The following TFIP11 variants were observed in gnomAD, a reference collection of about 807,000 sequenced individuals.
The protein encoded by TFIP11 is tuftelin-interacting protein 11.
TFIP11 carries 86 observed loss-of-function variants against 96.8 expected under a neutral mutation model. The observed-to-expected ratio is 0.89, with a 90% CI of 0.75 to 1.06. The LOEUF is 1.06. Among genes scored for constraint, TFIP11 ranks in the 50% least tolerant of loss-of-function variants. The pLI is 0.00. For synonymous variants in TFIP11, 405 were observed against 395.2 expected, an observed-to-expected ratio of 1.02 and a Z score of -0.29; for missense variants, 881 against 1,076.7, an observed-to-expected ratio of 0.82 and a Z score of 2.54.
At chr22:26,504,634 C>T (rs560019548) in intron 6 of TFIP11, among the ~76,000 whole-genome samples, 7 of 152,274 alleles carry the variant, frequency 4.6e-5, no homozygotes, top group South Asian at 2.1e-4. Context: ...CATGCCATTG[C>T]ACTCTACCCT....
In TFIP11 at chr22:26,491,960, C is replaced by T; in HGVS notation, c.*53G>A. On this transcript the variant is annotated 3_prime_UTR_variant, in exon 15 of 15. Transcript: ENST00000407690. ...GTGATCTAAAAATACTGTTTATTTACAGTACATCCCTCTTAGGGGCAAGTC... is the reference window on the plus strand; with the variant it reads ...GTGATCTAAAAATACTGTTTATTTATAGTACATCCCTCTTAGGGGCAAGTC... The T allele has an allele frequency of 1.3e-6, 2 of 1,483,988 alleles. No individual in the cohort carries two copies. Among genetic ancestry groups the T allele is most frequent in the South Asian group, 1.2e-5 (1 of 80,478 alleles). The allele number at this position is 1,483,988 out of a possible 1,614,324, so 91.9% of individuals were successfully genotyped here. A position where few individuals can be genotyped will look rare whatever the true frequency, so the allele number is the denominator to read the frequency against.
chr22:26,510,320 T>C, intron 3 of TFIP11, 39 bp from the exon 4 acceptor site: 1 of 1,591,662 alleles, frequency 6.3e-7, no homozygotes, highest in Non-Finnish European at 8.6e-7. Context: ...CCGTAAGTCC[T>C]GGGGGCAGCA....
Position 26,491,317 on chromosome 22 carries a change from G to A in TFIP11, c.*696C>T. On this transcript the variant is annotated 3_prime_UTR_variant, in exon 15 of 15. Coordinates refer to ENST00000407690, the MANE Select transcript of TFIP11 (RefSeq NM_012143.4). The stretch of plus-strand genomic sequence containing the variant: ...CTGTCCTTGGGGCGCCCAATTCATT[G>A]TGCAAAAGCATTTAAATCAAAATAC... The A allele has an allele frequency of 1.3e-6, 1 of 766,234 alleles. No homozygotes were observed. The highest frequency in any genetic ancestry group is 2.1e-6 in the Non-Finnish European group (1 of 472,520). 47.5% of individuals were successfully genotyped at this position (766,234 alleles called of 1,614,324 possible). A position where few individuals can be genotyped will look rare whatever the true frequency, so the allele number is the denominator to read the frequency against.
chr22:26,506,762 C>T lies in TFIP11; in HGVS notation c.363+13G>A, dbSNP rs770489954. On this transcript the variant is annotated intron_variant, in intron 5 of 14. Coordinates refer to ENST00000407690, the MANE Select transcript of TFIP11 (RefSeq NM_012143.4). ...GGATATTCCTAGGGTCACAATCCTGCAATAGAGACTACCGTTTTTAGCTTC... is the reference window on the plus strand; with the variant it reads ...GGATATTCCTAGGGTCACAATCCTGTAATAGAGACTACCGTTTTTAGCTTC... 3 of 1,613,952 alleles carry T rather than the reference C, an allele frequency of 1.9e-6. No homozygotes were observed. Among genetic ancestry groups the T allele is most frequent in the Non-Finnish European group, 2.5e-6 (3 of 1,179,974 alleles).
At chr22:26,492,737 T>A in intron 14 of TFIP11, 1 of 228,810 alleles carries the variant, frequency 4.4e-6, no homozygotes, top group East Asian at 1.0e-4. Context: ...CAGCTTTTAG[T>A]ACCTTGAAAA....
chr22:26,503,561 A>C, intron 7 of TFIP11, 105 bp downstream of exon 7: 1 of 1,429,396 alleles, frequency 7.0e-7, no homozygotes, highest in Non-Finnish European at 9.6e-7. Flanking sequence ...GGCATACGGT[A>C]CATGTACAAT....
At chr22:26,509,568 C>T (rs778456185) in intron 4 of TFIP11, among the ~76,000 whole-genome samples, 3 of 152,136 alleles carry the variant, frequency 2.0e-5, no homozygotes, top group African/African-American at 7.2e-5. Flanking sequence ...ATAATTAAAT[C>T]AGTGAGGCCA....
chr22:26,492,349 T>C lies in TFIP11; in HGVS notation c.2178A>G (p.Gly726=). 1 of 1,614,108 alleles carries C rather than the reference T, an allele frequency of 6.2e-7. No individual in the cohort carries two copies. The highest frequency in any genetic ancestry group is 1.1e-5 in the South Asian group (1 of 91,080). The change falls in exon 15 of 15, where the codon GGA becomes GGG. Residue 726 remains glycine, a synonymous_variant. Coordinates refer to ENST00000407690, the MANE Select transcript of TFIP11 (RefSeq NM_012143.4). ...SSNVGAYMQP[G]ARENIAYLTH... The stretch of plus-strand genomic sequence containing the variant: ...TGAGATAGGCAATGTTCTCCCGTGC[T>C]CCTGGCTGCATGTAGGCACCTAAGA...
chr22:26,494,659 G>A (rs1921691239), intron 13 of TFIP11, 138 bp downstream of exon 13: 12 of 1,229,182 alleles, frequency 9.8e-6, no homozygotes, highest in South Asian at 1.5e-5. Context: ...CCACTATGAA[G>A]ATGACCTAAC....
Position 26,512,428 on chromosome 22 carries a change from A to G in TFIP11, c.-207T>C, listed in dbSNP as rs1258873246. ...GGTCCAGCGTACCAAATTCAGCTTCACCATCCGCGCGAGAAGACGCCGCTC... is the reference window on the plus strand; with the variant it reads ...GGTCCAGCGTACCAAATTCAGCTTCGCCATCCGCGCGAGAAGACGCCGCTC... On this transcript the variant is annotated 5_prime_UTR_variant, in exon 1 of 15. Coordinates refer to ENST00000407690, the MANE Select transcript of TFIP11 (RefSeq NM_012143.4). 2 of 152,302 alleles carry G rather than the reference A, an allele frequency of 1.3e-5. No individual in the cohort carries two copies. The highest frequency in any genetic ancestry group is 2.1e-4 in the South Asian group (1 of 4,820). 9.4% of individuals were successfully genotyped at this position (152,302 alleles called of 1,614,324 possible). A position where few individuals can be genotyped will look rare whatever the true frequency, so the allele number is the denominator to read the frequency against.
intron 13 of TFIP11, 176 bp downstream of exon 13, chr22:26,494,621 T>A: frequency 2.1e-6 from 2 of 937,462 alleles, no homozygotes; most frequent in Non-Finnish European, 1.6e-6. Context: ...CAGCTTCTGA[T>A]ACATGGCAAA....
In TFIP11 at chr22:26,499,215, G is replaced by A. The variant is rs1433588283; in HGVS notation, c.1218C>T (p.Thr406=). The change falls in exon 9 of 15, where the codon ACC becomes ACT. Residue 406 remains threonine (T), a synonymous_variant. Transcript: ENST00000407690. The part of the protein sequence containing the change: ...TLDECARIFE[T]LQDKYYEEYR... ...ACTCCTCATAGTACTTGTCCTGCAG[G>A]GTTTCGAAGATGCGGGCACACTCGT... The A allele has an allele frequency of 1.2e-6, 2 of 1,613,998 alleles. No individual in the cohort carries two copies. Among genetic ancestry groups the A allele is most frequent in the African/African-American group, 2.7e-5 (2 of 75,038 alleles).
intron 4 of TFIP11, among the ~76,000 whole-genome samples, chr22:26,508,517 T>G (rs1053131336): frequency 6.6e-6 from 1 of 152,172 alleles, no homozygotes; most frequent in Non-Finnish European, 1.5e-5. Context: ...GATGAGAAGT[T>G]TGGACTAATC....
intron 8 of TFIP11, among the ~76,000 whole-genome samples, chr22:26,500,919 T>G (rs1922700197): frequency 7.2e-6 from 1 of 139,696 alleles, no homozygotes; most frequent in Non-Finnish European, 1.5e-5. Flanking sequence ...AGTCTCGCTC[T>G]GTCCCCCAGG....
chr22:26,496,729 G>C lies in TFIP11; in HGVS notation c.1597C>G (p.Gln533Glu), dbSNP rs756286236. The C allele has an allele frequency of 6.2e-7, 1 of 1,613,806 alleles. No homozygotes were observed. Among genetic ancestry groups the C allele is most frequent in the Admixed American group, 1.7e-5 (1 of 60,014 alleles). ...ILDQLIFPKL[Q>E]KEVENWNPLT... ...CATGACTCTCATCCCACCTCCTTTTGCAGCTTGGGGAAGATGAGTTGGTCC... is the reference window on the plus strand; with the variant it reads ...CATGACTCTCATCCCACCTCCTTTTCCAGCTTGGGGAAGATGAGTTGGTCC... The change falls in exon 11 of 15, where the codon CAA (glutamine) becomes GAA (glutamate). Residue 533 changes from glutamine (Q) to glutamate (E), a missense_variant. By Grantham distance (29) the Gln-to-Glu change is conservative. Coordinates refer to ENST00000407690, the MANE Select transcript of TFIP11 (RefSeq NM_012143.4).
At chr22:26,511,395 C>G (rs1456077662) in intron 2 of TFIP11, 1 of 152,208 alleles carries the variant, frequency 6.6e-6, no homozygotes, top group African/African-American at 2.4e-5. Flanking sequence ...ATGTTAATCT[C>G]CTTTGGCAAC....
At chr22:26,503,856 C>A in intron 6 of TFIP11, 63 bp from the exon 7 acceptor site, 1 of 1,583,104 alleles carries the variant, frequency 6.3e-7, no homozygotes, top group South Asian at 1.1e-5. Context: ...GTATGTGAAT[C>A]AGCCACTCAG....
At chr22:26,496,606 G>A in intron 11 of TFIP11, 115 bp downstream of exon 11, 1 of 1,339,690 alleles carries the variant, frequency 7.5e-7, no homozygotes, top group Non-Finnish European at 1.0e-6. Context: ...CAATAGTTGT[G>A]TTGACAAATT....
At chr22:26,496,362 T>C in intron 11 of TFIP11, 46 bp from the exon 12 acceptor site, 2 of 1,553,282 alleles carry the variant, frequency 1.3e-6, no homozygotes, top group Non-Finnish European at 1.7e-6. Flanking sequence ...TGTGGGGCAG[T>C]CACATAACAC....
Sources: allele counts gnomAD v4.1 joint callset (sites outside exome capture counted in the v4.1 genomes callset), GRCh38; gene constraint gnomAD v4.1.1; transcripts MANE v1.5; gene names NCBI Gene and HGNC (gene_info 2026-07-23, HGNC 2026-07-21).